Variants in DYNLRB1 observed in about 807,000 individuals in gnomAD.
DYNLRB1 encodes the protein dynein light chain roadblock-type 1, also known as ROBL/LC7-like 1.
DYNLRB1 carries 6 observed loss-of-function variants against 13.5 expected under a neutral mutation model. That is an observed-to-expected ratio of 0.44 (90% CI 0.24 to 0.88). The LOEUF is 0.88. Among genes scored for constraint, DYNLRB1 ranks in the 40% least tolerant of loss-of-function variants. DYNLRB1 has a pLI of 0.21. For missense variants in DYNLRB1, 93 were observed against 127.2 expected, an observed-to-expected ratio of 0.73 and a Z score of 1.29; for synonymous variants, 43 against 45.0, an observed-to-expected ratio of 0.96 and a Z score of 0.18.
chr20:34,516,896 C>A, intron 1 of DYNLRB1: 1 of 1,477,212 alleles, frequency 6.8e-7, no homozygotes. Flanking sequence ...ATCTTTAGTC[C>A]CATTTTGTTA....
At chr20:34,535,164 C>G (rs533627595) in intron 3 of DYNLRB1, 1 of 985,204 alleles carries the variant, frequency 1.0e-6, no homozygotes, top group Non-Finnish European at 1.2e-6. Flanking sequence ...GGAGCTGAAT[C>G]TTAAGGGCAC....
At chr20:34,535,660 G>A in intron 3 of DYNLRB1, 5 of 985,180 alleles carry the variant, frequency 5.1e-6, no homozygotes, top group Non-Finnish European at 6.0e-6. Context: ...GAGTGTGCGT[G>A]CGTCACGTAT....
chr20:34,516,989 T>C lies in DYNLRB1; in HGVS notation c.3+528T>C. On this transcript the variant is annotated intron_variant, in intron 1 of 3. Coordinates refer to ENST00000357156, the MANE Select transcript of DYNLRB1 (RefSeq NM_014183.4). The stretch of plus-strand genomic sequence containing the variant: ...GAGATGGATTTGAACCCTAGAAGCT[T>C]GACGGCCGCCACTCTGTCGGCGTGG... 3 of 1,269,118 alleles carry C rather than the reference T, an allele frequency of 2.4e-6. No homozygotes were observed. In the East Asian group the frequency reaches 9.3e-5, roughly 39 times the overall value. The allele number at this position is 1,269,118 out of a possible 1,614,324, so 78.6% of individuals were successfully genotyped here.
chr20:34,537,555 G>A (rs1035288166), intron 3 of DYNLRB1, among the ~76,000 whole-genome samples: 3 of 152,170 alleles, frequency 2.0e-5, no homozygotes, highest in Admixed American at 1.3e-4. Context: ...ATAGTTTTAG[G>A]ATGAAAACCA....
At chr20:34,522,374 G>A (rs1178224158) in intron 1 of DYNLRB1, among the ~76,000 whole-genome samples, 1 of 151,872 alleles carries the variant, frequency 6.6e-6, no homozygotes, top group African/African-American at 2.4e-5. Flanking sequence ...AGTAGGCGCT[G>A]AGTAGGGAAA....
rs1236582224 is a variant in DYNLRB1 at position 34,540,833 on chromosome 20, T to G, written c.*209T>G. On this transcript the variant is annotated 3_prime_UTR_variant, in exon 4 of 4. Coordinates refer to ENST00000357156, the MANE Select transcript of DYNLRB1 (RefSeq NM_014183.4). ...CCCAGAGCTCCGGAGCGCCCTCTCC[T>G]CACTTCCAGGTTTTGGAGCAAGAGC... 2 of 509,314 alleles carry G rather than the reference T, an allele frequency of 3.9e-6. No individual in the cohort carries two copies. The highest frequency in any genetic ancestry group is 6.7e-5 in the East Asian group (2 of 29,768). The allele number at this position is 509,314 out of a possible 1,614,324, so 31.5% of individuals were successfully genotyped here. A position where few individuals can be genotyped will look rare whatever the true frequency, so the allele number is the denominator to read the frequency against.
Position 34,526,346 on chromosome 20 carries a change from A to T in DYNLRB1, c.79+3A>T. 6.2e-7 allele frequency: 1 copy of T among 1,613,686 alleles called. No individual in the cohort carries two copies. Among genetic ancestry groups the T allele is most frequent in the African/African-American group, 1.3e-5 (1 of 74,992 alleles). On this transcript the variant is annotated splice_donor_region_variant and intron_variant, in intron 2 of 3. Transcript: ENST00000357156. Reference sequence around the variant, plus strand: ...AATCATCGTCGTGAACACAGAAGGTACGCCCTCCCTCCCGCCATGACCCGC... The same window carrying T: ...AATCATCGTCGTGAACACAGAAGGTTCGCCCTCCCTCCCGCCATGACCCGC...
chr20:34,528,311 CAAAAAAAAAAA>C lies in DYNLRB1; in HGVS notation c.79+1991_79+2001del, dbSNP rs59104612. Among the ~76,000 whole-genome samples the C allele has an allele frequency of 1.5e-3, 8 of 5,204 alleles. 1 individual carries two copies. Among genetic ancestry groups the C allele is most frequent in the Admixed American group, 2.5e-3 (1 of 400 alleles). 3.4% of individuals were successfully genotyped at this position (5,204 alleles called of 152,430 possible). A position where few individuals can be genotyped will look rare whatever the true frequency, so the allele number is the denominator to read the frequency against. ...TGGGCGACAGAGCGAGACTCCGTCT[CAAAAAAAAAAA>C]AAAAAAAAAAAAAAAAAAAAAACTA... On this transcript the variant is annotated intron_variant, in intron 2 of 3. Coordinates refer to ENST00000357156, the MANE Select transcript of DYNLRB1 (RefSeq NM_014183.4).
intron 1 of DYNLRB1, among the ~76,000 whole-genome samples, chr20:34,520,490 A>G (rs916877193): frequency 6.6e-6 from 1 of 152,186 alleles, no homozygotes; most frequent in African/African-American, 2.4e-5. Context: ...TCTGTTGCCC[A>G]GACTGGAGTT....
intron 3 of DYNLRB1, among the ~76,000 whole-genome samples, chr20:34,538,004 T>C (rs1313318708): frequency 1.3e-5 from 2 of 149,078 alleles, no homozygotes; most frequent in Non-Finnish European, 3.0e-5. Context: ...TTTTTTTTTT[T>C]TGAGACAGGG....
chr20:34,535,923 A>G (rs1981108002), intron 3 of DYNLRB1: 25 of 985,326 alleles, frequency 2.5e-5, no homozygotes, highest in Non-Finnish European at 3.0e-5. Flanking sequence ...CACAGAGGGC[A>G]AGGAGGCTGG....
At chr20:34,524,548 T>C (rs1980017952) in intron 1 of DYNLRB1, among the ~76,000 whole-genome samples, 1 of 152,164 alleles carries the variant, frequency 6.6e-6, no homozygotes, top group South Asian at 2.1e-4. Flanking sequence ...ACCACTATTG[T>C]GCCCCACTCC....
At chr20:34,538,568 G>C (rs967861522) in intron 3 of DYNLRB1, among the ~76,000 whole-genome samples, 2 of 152,312 alleles carry the variant, frequency 1.3e-5, no homozygotes, top group East Asian at 3.9e-4. Flanking sequence ...AAGTGGTATT[G>C]TTGCATTTAG....
chr20:34,538,560 G>C (rs1265311730), intron 3 of DYNLRB1, among the ~76,000 whole-genome samples: 1 of 152,228 alleles, frequency 6.6e-6, no homozygotes, highest in Non-Finnish European at 1.5e-5. Context: ...AGCACCTGAA[G>C]TGGTATTGTT....
intron 2 of DYNLRB1, 132 bp downstream of exon 2, chr20:34,526,475 C>A (rs1274763543): frequency 7.7e-6 from 5 of 648,430 alleles, no homozygotes; most frequent in Non-Finnish European, 1.2e-5. Context: ...TTTTTAACAC[C>A]TCCAGTGTTC....
intron 2 of DYNLRB1, among the ~76,000 whole-genome samples, chr20:34,528,326 A>C (rs1489618764): frequency 2.6e-5 from 1 of 38,150 alleles, no homozygotes; most frequent in Non-Finnish European, 6.1e-5. Flanking sequence ...AAAAAAAAAA[A>C]AAAAAAAAAA....
intron 1 of DYNLRB1, 32 bp downstream of exon 1, chr20:34,516,493 G>A (rs1979191735): frequency 1.2e-5 from 20 of 1,611,292 alleles, no homozygotes; most frequent in Non-Finnish European, 1.7e-5. Flanking sequence ...GTGGCTGGCG[G>A]CCGCCCACCA....
chr20:34,540,332 G>A (rs949372106), intron 3 of DYNLRB1, among the ~76,000 whole-genome samples: 1 of 152,228 alleles, frequency 6.6e-6, no homozygotes, highest in Non-Finnish European at 1.5e-5. Flanking sequence ...GGGAGGATTA[G>A]AAGAGACGAC....
intron 1 of DYNLRB1, among the ~76,000 whole-genome samples, chr20:34,521,561 TGTCA>T (rs1034549494): frequency 6.6e-6 from 1 of 152,214 alleles, no homozygotes; most frequent in African/African-American, 2.4e-5. Context: ...CATAGTTCTT[TGTCA>T]GTCATTTGCT....
Sources: allele counts gnomAD v4.1 joint callset (sites outside exome capture counted in the v4.1 genomes callset), GRCh38; gene constraint gnomAD v4.1.1; transcripts MANE v1.5; gene names NCBI Gene and HGNC (gene_info 2026-07-23, HGNC 2026-07-21).